The following PLCB1 variants were observed in gnomAD, a reference collection of about 807,000 sequenced individuals.
PLCB1 encodes 1-phosphatidylinositol 4,5-bisphosphate phosphodiesterase beta-1.
PLCB1 carries 46 observed loss-of-function variants against 161.8 expected under a neutral mutation model. The ratio of observed to expected loss-of-function variants is 0.28; its 90% CI spans 0.22 to 0.36. The LOEUF (loss-of-function observed/expected upper bound fraction) is 0.36. Among genes scored for constraint, PLCB1 ranks in the 10% least tolerant of loss-of-function variants. PLCB1 has a pLI of 1.00. For synonymous variants in PLCB1, 517 were observed against 503.7 expected (o/e 1.03, Z -0.35); for missense variants, 1,016 against 1,472.5 (o/e 0.69, Z 5.07).
intron 31 of PLCB1, chr20:8,880,879 G>C (rs200101619): frequency 1.4e-4 from 2 of 14,368 alleles, no homozygotes; most frequent in Non-Finnish European, 3.0e-4. Flanking sequence ...TTTTTTTTTT[G>C]GTTTTGAGAT....
rs80172449 is a variant in PLCB1, at chr20:8,622,480, G to A, written c.247-5814G>A. Among the ~76,000 whole-genome samples the A allele has an allele frequency of 3.5e-4, 54 of 152,126 alleles. 2 individuals are homozygous for A. The East Asian group carries it at 0.01, about 28-fold the overall frequency. On this transcript the variant is annotated intron_variant, in intron 3 of 31. Transcript: ENST00000338037. The stretch of plus-strand genomic sequence containing the variant: ...CCATATAGTCCTAAGAATGTTTTCC[G>A]GCTATGGAAATGCAAGAGAGCACAC...
chr20:8,838,148 G>T (rs1023077951), intron 31 of PLCB1, among the ~76,000 whole-genome samples: 4 of 151,956 alleles, frequency 2.6e-5, no homozygotes, highest in African/African-American at 9.7e-5. Flanking sequence ...CCATACTTGA[G>T]CCAGTTTATA....
chr20:8,666,306 T>C (rs1989811312), intron 9 of PLCB1, among the ~76,000 whole-genome samples: 1 of 152,178 alleles, frequency 6.6e-6, no homozygotes, highest in Admixed American at 6.5e-5. Context: ...CTCAAATCCT[T>C]GTCTCAGATC....
chr20:8,864,535 T>G (rs569449362), intron 31 of PLCB1, among the ~76,000 whole-genome samples: 4 of 152,246 alleles, frequency 2.6e-5, no homozygotes, highest in African/African-American at 9.6e-5. Context: ...TTGATAAATT[T>G]TTGGACACAT....
chr20:8,446,085 C>G (rs1980811171), intron 3 of PLCB1, among the ~76,000 whole-genome samples: 1 of 151,760 alleles, frequency 6.6e-6, no homozygotes, highest in Non-Finnish European at 1.5e-5. Context: ...GATACCAAAG[C>G]CTGGCAGAGA....
At chr20:8,383,753 A>T (rs1987335389) in intron 3 of PLCB1, among the ~76,000 whole-genome samples, 1 of 152,180 alleles carries the variant, frequency 6.6e-6, no homozygotes. Context: ...TTGTCTGGAA[A>T]GGCTTTTATT....
intron 2 of PLCB1, among the ~76,000 whole-genome samples, chr20:8,273,469 C>A (rs1452528919): frequency 6.6e-6 from 1 of 152,038 alleles, no homozygotes; most frequent in Admixed American, 6.6e-5. Context: ...AACAGTAATT[C>A]ACTTCTAAGC....
chr20:8,541,365 G>GA (rs1217406759), intron 3 of PLCB1, among the ~76,000 whole-genome samples: 2 of 151,984 alleles, frequency 1.3e-5, no homozygotes, highest in African/African-American at 4.8e-5. Context: ...TAACATAGTA[G>GA]AAAAAAATAC....
intron 31 of PLCB1, among the ~76,000 whole-genome samples, chr20:8,868,723 C>A (rs1259948272): frequency 6.6e-6 from 1 of 152,182 alleles, no homozygotes; most frequent in Non-Finnish European, 1.5e-5. Context: ...CCTCCGCCTC[C>A]CAGGTTCAAG....
chr20:8,557,371 A>T (rs1202073279), intron 3 of PLCB1, among the ~76,000 whole-genome samples: 1 of 152,094 alleles, frequency 6.6e-6, no homozygotes, highest in Non-Finnish European at 1.5e-5. Context: ...AGCCTTCAAA[A>T]ATAAAGAAAT....
intron 14 of PLCB1, among the ~76,000 whole-genome samples, chr20:8,719,141 C>T (rs1158496936): frequency 6.6e-6 from 1 of 152,174 alleles, no homozygotes; most frequent in African/African-American, 2.4e-5. Flanking sequence ...GCATTATAGA[C>T]ATCTCCTGAT....
intron 3 of PLCB1, among the ~76,000 whole-genome samples, chr20:8,471,836 A>G (rs546873337): frequency 6.6e-6 from 1 of 152,256 alleles, no homozygotes; most frequent in African/African-American, 2.4e-5. Context: ...AACTTTTTCA[A>G]TGCAGACAGT....
At chr20:8,244,805 G>A (rs1488084513) in intron 2 of PLCB1, among the ~76,000 whole-genome samples, 1 of 151,876 alleles carries the variant, frequency 6.6e-6, no homozygotes, top group Non-Finnish European at 1.5e-5. Flanking sequence ...AGAGAAGAGA[G>A]AGGCTAAGTC....
At chr20:8,407,132 G>A (rs1225290362) in intron 3 of PLCB1, among the ~76,000 whole-genome samples, 3 of 152,098 alleles carry the variant, frequency 2.0e-5, no homozygotes, top group Admixed American at 1.3e-4. Context: ...GACATGCATA[G>A]CTTAATTTAA....
At chr20:8,874,929 C>T (rs1440761893) in intron 31 of PLCB1, among the ~76,000 whole-genome samples, 1 of 151,582 alleles carries the variant, frequency 6.6e-6, no homozygotes, top group Admixed American at 6.6e-5. Context: ...AATTATTGCC[C>T]AATGTTTCAA....
chr20:8,470,695 A>G (rs889721292), intron 3 of PLCB1, among the ~76,000 whole-genome samples: 1 of 151,782 alleles, frequency 6.6e-6, no homozygotes, highest in Admixed American at 6.6e-5. Flanking sequence ...CAAAGCACAA[A>G]CTCTTTAGTT....
chr20:8,757,627 A>G (rs1488730616), intron 24 of PLCB1, among the ~76,000 whole-genome samples: 2 of 152,086 alleles, frequency 1.3e-5, no homozygotes, highest in Non-Finnish European at 2.9e-5. Context: ...TAAGCTTTTC[A>G]TATGGATCAT....
chr20:8,646,914 T>C (rs952489643), intron 5 of PLCB1, among the ~76,000 whole-genome samples: 11 of 152,222 alleles, frequency 7.2e-5, no homozygotes, highest in African/African-American at 2.7e-4. Flanking sequence ...GAAACATTAA[T>C]AGGTGGTCCT....
At chr20:8,167,362 T>C (rs2051686160) in intron 2 of PLCB1, among the ~76,000 whole-genome samples, 1 of 152,184 alleles carries the variant, frequency 6.6e-6, no homozygotes, top group South Asian at 2.1e-4. Context: ...ATGAAATAAT[T>C]TTTTAAATTT....
Sources: allele counts gnomAD v4.1 joint callset (sites outside exome capture counted in the v4.1 genomes callset), GRCh38; gene constraint gnomAD v4.1.1; transcripts MANE v1.5; gene names NCBI Gene and HGNC (gene_info 2026-07-23, HGNC 2026-07-21).